Variants in FMN1 observed in about 807,000 individuals in gnomAD.
FMN1 encodes formin 1, also known as formin-1.
A neutral mutation model predicts 132.4 loss-of-function variants in FMN1; 110 were observed. The ratio of observed to expected loss-of-function variants is 0.83; its 90% CI spans 0.71 to 0.97. FMN1 has a LOEUF of 0.97. Ranked by LOEUF, FMN1 falls within the 50% of genes least tolerant of loss-of-function variation. The pLI, the probability that FMN1 is intolerant of heterozygous loss-of-function variation, is 0.00. For synonymous variants in FMN1, 722 were observed against 651.7 expected (o/e 1.11, Z -1.64); for missense variants, 1,792 against 1,705.3 (o/e 1.05, Z -0.90).
chr15:33,083,143 C>T (rs1488746003), intron 5 of FMN1, among the ~76,000 whole-genome samples: 3 of 152,160 alleles, frequency 2.0e-5, no homozygotes, highest in Non-Finnish European at 4.4e-5. Context: ...CTGTATATTT[C>T]GTCTTCATCT....
intron 17 of FMN1, among the ~76,000 whole-genome samples, chr15:32,848,112 G>A (rs185756281): frequency 2.0e-5 from 3 of 152,092 alleles, no homozygotes; most frequent in African/African-American, 7.2e-5. Context: ...ACAGGATTAT[G>A]GCAATAAGAA....
At chr15:32,777,320 C>T (rs940634124) in intron 19 of FMN1, among the ~76,000 whole-genome samples, 7 of 151,396 alleles carry the variant, frequency 4.6e-5, no homozygotes, top group South Asian at 2.1e-4. Flanking sequence ...CTAAAATTCA[C>T]GAATTCACAT....
intron 17 of FMN1, among the ~76,000 whole-genome samples, chr15:32,842,549 C>T (rs1429698213): frequency 1.3e-5 from 2 of 152,180 alleles, no homozygotes; most frequent in Non-Finnish European, 2.9e-5. Flanking sequence ...AATATAAGTT[C>T]CAGAGGCAAA....
rs557430567 is a variant in FMN1 at position 33,097,121 on chromosome 15, C to A, written c.1868-8147G>T. On this transcript the variant is annotated intron_variant, in intron 4 of 20. Coordinates refer to ENST00000616417, the MANE Select transcript of FMN1 (RefSeq NM_001277313.2). Reference sequence around the variant, plus strand: ...CCAGCCTTGGTGACATGGCAAAACCCCATCTCTACTAAAAAAAATACAAAA... The same window carrying A: ...CCAGCCTTGGTGACATGGCAAAACCACATCTCTACTAAAAAAAATACAAAA... Among the ~76,000 whole-genome samples the A allele has an allele frequency of 4.6e-5, 7 of 151,992 alleles. No individual in the cohort carries two copies. In the East Asian group the frequency reaches 1.4e-3, roughly 29 times the overall value.
Position 33,026,448 on chromosome 15 carries a change from A to G in FMN1, c.2162-18373T>C, listed in dbSNP as rs1045183361. Among the ~76,000 whole-genome samples the G allele has an allele frequency of 4.0e-5, 6 of 148,872 alleles. No individual in the cohort carries two copies. The South Asian group carries it at 6.4e-4, about 16-fold the overall frequency. On this transcript the variant is annotated intron_variant, in intron 6 of 20. Coordinates refer to ENST00000616417, the MANE Select transcript of FMN1 (RefSeq NM_001277313.2). ...CACACACACACACACACTTCTGTTT[A>G]TAAGACTAGGTTTAGCCTTATAATC...
At chr15:33,023,940 G>T (rs1002359595) in intron 6 of FMN1, among the ~76,000 whole-genome samples, 3 of 152,048 alleles carry the variant, frequency 2.0e-5, no homozygotes, top group African/African-American at 7.2e-5. Context: ...TACCAGAATC[G>T]TGTCTGTTGA....
chr15:32,914,259 G>T (rs7180533), intron 10 of FMN1, among the ~76,000 whole-genome samples: 62,155 of 152,026 alleles, frequency 0.41, 13,135 homozygotes, highest in African/African-American at 0.52. Flanking sequence ...GGCAGACACT[G>T]AAAACACTAA....
chr15:32,999,342 T>TA (rs2140901219), intron 7 of FMN1, among the ~76,000 whole-genome samples: 1 of 152,362 alleles, frequency 6.6e-6, no homozygotes, highest in South Asian at 2.1e-4. Flanking sequence ...TCAGCTCAAA[T>TA]AGAGTCTGCA....
chr15:33,070,287 G>A (rs867282754), intron 5 of FMN1, among the ~76,000 whole-genome samples: 1 of 151,666 alleles, frequency 6.6e-6, no homozygotes, highest in Non-Finnish European at 1.5e-5. Context: ...TTACAGGCAT[G>A]AGCCACCGCG....
At chr15:33,144,289 G>A (rs367662231) in intron 4 of FMN1, among the ~76,000 whole-genome samples, 13 of 152,252 alleles carry the variant, frequency 8.5e-5, no homozygotes, top group African/African-American at 2.9e-4. Context: ...TACCTCAGAG[G>A]TATCCTATAC....
chr15:32,973,800 C>G (rs76203046), intron 7 of FMN1, among the ~76,000 whole-genome samples: 2,062 of 152,204 alleles, frequency 0.014, 40 homozygotes, highest in African/African-American at 0.047. Flanking sequence ...TCATGCATAC[C>G]ATGCATGGAA....
intron 9 of FMN1, among the ~76,000 whole-genome samples, chr15:32,950,038 T>TAC (rs367742992): frequency 6.9e-4 from 3 of 4,364 alleles, no homozygotes; most frequent in South Asian, 0.013. Flanking sequence ...TATATACACA[T>TAC]ATATATATAT....
chr15:33,076,731 C>A (rs2219158), intron 5 of FMN1, among the ~76,000 whole-genome samples: 48,674 of 151,756 alleles, frequency 0.32, 8,086 homozygotes, highest in Admixed American at 0.37. Context: ...CCATCTGATT[C>A]TAAATGTTTC....
intron 6 of FMN1, chr15:33,063,546 A>C (rs1158694404): frequency 6.6e-6 from 1 of 151,806 alleles, no homozygotes; most frequent in Non-Finnish European, 1.5e-5. Context: ...TCTCTAATAA[A>C]CTCTCCTCAA....
At chr15:33,050,631 C>T (rs149751092) in intron 6 of FMN1, among the ~76,000 whole-genome samples, 2 of 152,164 alleles carry the variant, frequency 1.3e-5, no homozygotes, top group Admixed American at 1.3e-4. Context: ...GAGTAATGGG[C>T]ATTCTTTCTT....
chr15:33,127,969 G>GA (rs1963266485), intron 4 of FMN1, among the ~76,000 whole-genome samples: 1 of 152,074 alleles, frequency 6.6e-6, no homozygotes, highest in Non-Finnish European at 1.5e-5. Flanking sequence ...AAAGAAAGGG[G>GA]AAAGGAAGGT....
Position 32,873,947 on chromosome 15 carries a change from G to A in FMN1, c.3835+14225C>T, listed in dbSNP as rs530871355. Among the ~76,000 whole-genome samples, 4 of 150,308 alleles carry A rather than the reference G, an allele frequency of 2.7e-5. 1 individual carries two copies. Among genetic ancestry groups the A allele is most frequent in the African/African-American group, 4.9e-5 (2 of 40,810 alleles). ...TCATTCAATTATTCCTAGATTAGCC[G>A]CCTTTTTATTTTTACTCCATTTCAT... On this transcript the variant is annotated intron_variant, in intron 16 of 20. Coordinates refer to ENST00000616417, the MANE Select transcript of FMN1 (RefSeq NM_001277313.2).
chr15:33,020,243 A>C (rs1320915069), intron 6 of FMN1, among the ~76,000 whole-genome samples: 1 of 152,228 alleles, frequency 6.6e-6, no homozygotes, highest in Non-Finnish European at 1.5e-5. Flanking sequence ...TACTATCGCC[A>C]GGTAAACAGT....
chr15:33,178,716 G>A (rs1965598927), intron 3 of FMN1, among the ~76,000 whole-genome samples: 1 of 152,114 alleles, frequency 6.6e-6, no homozygotes, highest in South Asian at 2.1e-4. Context: ...AGATACACTG[G>A]CATTCAGAAT....
Sources: allele counts gnomAD v4.1 joint callset (sites outside exome capture counted in the v4.1 genomes callset), GRCh38; gene constraint gnomAD v4.1.1; transcripts MANE v1.5; gene names NCBI Gene and HGNC (gene_info 2026-07-23, HGNC 2026-07-21).